Variants in RPL9 observed in about 807,000 individuals in gnomAD.
RPL9 encodes large ribosomal subunit protein uL6.
For missense variants in RPL9, 149 were observed against 236.7 expected, an observed-to-expected ratio of 0.63 and a Z score of 2.43; for synonymous variants, 82 against 77.1, an observed-to-expected ratio of 1.06 and a Z score of -0.33.
At chr4:39,458,742 C>T (rs781637259) in intron 1 of RPL9, 149 bp downstream of exon 1, 2 of 659,192 alleles carry the variant, frequency 3.0e-6, no homozygotes, top group Non-Finnish European at 5.5e-6. Context: ...CAACAGGATT[C>T]GCATCTGGCG....
At chr4:39,455,052 T>C (rs1744032713) in intron 5 of RPL9, 108 bp from the exon 6 acceptor site, 1 of 1,153,452 alleles carries the variant, frequency 8.7e-7, no homozygotes, top group Non-Finnish European at 1.2e-6. Context: ...AAAAGAACCT[T>C]TTCTTAAGAT....
chr4:39,458,509 G>A lies in RPL9; in HGVS notation c.-1-69C>T, dbSNP rs1744225973. 5 of 1,518,948 alleles carry A rather than the reference G, an allele frequency of 3.3e-6. No homozygotes were observed. The African/African-American group carries it at 4.1e-5, about 13-fold the overall frequency. 94.1% of individuals were successfully genotyped at this position (1,518,948 alleles called of 1,614,324 possible). A position where few individuals can be genotyped will look rare whatever the true frequency, so the allele number is the denominator to read the frequency against. ...TTTCCACCAAACTACGCCGCACAGA[G>A]CTCCACTCCTACTGGAGACTGCCAG... is the stretch of plus-strand genomic sequence containing the variant. On this transcript the variant is annotated intron_variant, in intron 1 of 7. Coordinates refer to ENST00000295955, the MANE Select transcript of RPL9 (RefSeq NM_000661.5).
Position 39,456,557 on chromosome 4 carries a change from C to CA in RPL9, c.259-20dup. On this transcript the variant is annotated intron_variant, in intron 4 of 7. Transcript: ENST00000295955. ...GGAAGCCCTATGTTAAATAAATAAG[C>CA]AAGCTATTAGCAATGCTGAGGAATA... 6.2e-7 allele frequency: 1 copy of CA among 1,612,776 alleles called. No homozygotes were observed. The highest frequency in any genetic ancestry group is 8.5e-7 in the Non-Finnish European group (1 of 1,179,272).
At chr4:39,457,367 A>AAAC (rs1553933087) in intron 4 of RPL9, 29 of 412,626 alleles carry the variant, frequency 7.0e-5, no homozygotes, top group East Asian at 5.0e-4. Context: ...AAAAAAAAAA[A>AAAC]CCCAACAACA....
chr4:39,458,784 G>A, intron 1 of RPL9, 107 bp downstream of exon 1: 1 of 682,756 alleles, frequency 1.5e-6, no homozygotes. Flanking sequence ...TGCCGAGCTG[G>A]GGGACAAACA....
chr4:39,457,378 G>T, intron 4 of RPL9: 1 of 399,394 alleles, frequency 2.5e-6, no homozygotes, highest in Non-Finnish European at 4.5e-6. Flanking sequence ...CCCAACAACA[G>T]AAAAAAACAA....
chr4:39,456,163 AACC>A (rs1744077195), intron 5 of RPL9: 3 of 517,786 alleles, frequency 5.8e-6, no homozygotes, highest in Non-Finnish European at 7.1e-6. Flanking sequence ...AGTTAAATAC[AACC>A]ACCACTGCAA....
At chr4:39,457,343 C>T in intron 4 of RPL9, 1 of 355,040 alleles carries the variant, frequency 2.8e-6, no homozygotes. Flanking sequence ...AGCGAGACCC[C>T]AGCCTTGATT....
At chr4:39,458,093 G>A (rs1430592652) in intron 3 of RPL9, 101 bp downstream of exon 3, 9 of 1,123,770 alleles carry the variant, frequency 8.0e-6, no homozygotes, top group Middle Eastern at 1.9e-4. Context: ...TAAAGCTGAA[G>A]CACTGAACCT....
At chr4:39,455,432 G>T (rs1282883078) in intron 5 of RPL9, among the ~76,000 whole-genome samples, 1 of 138,908 alleles carries the variant, frequency 7.2e-6, no homozygotes, top group African/African-American at 2.6e-5. Context: ...TCAAGAGGCC[G>T]AGCCAGGTAT....
chr4:39,458,778 G>A (rs976017247), intron 1 of RPL9, 113 bp downstream of exon 1: 3 of 680,692 alleles, frequency 4.4e-6, no homozygotes, highest in Non-Finnish European at 8.1e-6. Context: ...GGCGCTTGCC[G>A]AGCTGGGGGA....
Position 39,458,249 on chromosome 4 carries a change from C to T in RPL9, c.107G>A (p.Arg36Lys). 1.2e-6 allele frequency: 2 copies of T among 1,614,150 alleles called. No individual in the cohort carries two copies. The highest frequency in any genetic ancestry group is 1.1e-5 in the South Asian group (1 of 91,084). Residue 36 changes from arginine (R) to lysine (K), a missense_variant, in exon 3 of 8, where the codon AGG becomes AAG. Physicochemically the swap from Arg to Lys is conservative, Grantham distance 26. Transcript: ENST00000295955. ...IVKGPRGTLR[R>K]DFNHINVELS... Reference sequence around the variant, plus strand: ...TTCTACATTGATGTGATTGAAGTCCCTCCGCAGGGTTCCTCTGGGGCCCTT... The same window carrying T: ...TTCTACATTGATGTGATTGAAGTCCTTCCGCAGGGTTCCTCTGGGGCCCTT...
chr4:39,457,590 G>T lies in RPL9; in HGVS notation c.254C>A (p.Thr85Lys), dbSNP rs1007232217. The T allele has an allele frequency of 4.3e-6, 7 of 1,612,910 alleles. No homozygotes were observed. Among genetic ancestry groups the T allele is most frequent in the Non-Finnish European group, 5.9e-6 (7 of 1,179,060 alleles). ...SHVQNMIKGV[T>K]LGFRYKMRSV... The stretch of plus-strand genomic sequence containing the variant: ...AAGTCTGATACATCTGCTTACCAGT[G>T]TAACACCCTTGATCATGTTCTGTAC... The change falls in exon 4 of 8, where the codon ACA becomes AAA. Residue 85 changes from threonine (T) to lysine (K), a missense_variant. Thr to Lys is a moderately conservative substitution (Grantham distance 78, BLOSUM62 -1). Coordinates refer to ENST00000295955, the MANE Select transcript of RPL9 (RefSeq NM_000661.5).
intron 3 of RPL9, 69 bp from the exon 4 acceptor site, chr4:39,457,750 G>T: frequency 2.4e-6 from 3 of 1,268,486 alleles, no homozygotes; most frequent in South Asian, 2.4e-5. Flanking sequence ...ACCACTTACC[G>T]AATTACTTTA....
At chr4:39,456,662 C>T (rs1021193882) in intron 4 of RPL9, 124 bp from the exon 5 acceptor site, 1 of 1,047,680 alleles carries the variant, frequency 9.5e-7, no homozygotes, top group African/African-American at 1.6e-5. Flanking sequence ...TTTCTAATAA[C>T]TGTCACCTGA....
rs780387267 is a variant in RPL9, at chr4:39,454,703, G to C, written c.473-54C>G. 12 of 1,517,794 alleles carry C rather than the reference G, an allele frequency of 7.9e-6. No homozygotes were observed. The East Asian group carries it at 2.1e-4, about 26-fold the overall frequency. The allele number at this position is 1,517,794 out of a possible 1,614,324, so 94.0% of individuals were successfully genotyped here. A position where few individuals can be genotyped will look rare whatever the true frequency, so the allele number is the denominator to read the frequency against. On this transcript the variant is annotated intron_variant, in intron 6 of 7. Transcript: ENST00000295955. ...ACATCAGCCTAACCCATCTTAAAAAGAAAGTATTTCATTATGTGCTGTACT... is the reference window on the plus strand; with the variant it reads ...ACATCAGCCTAACCCATCTTAAAAACAAAGTATTTCATTATGTGCTGTACT...
intron 3 of RPL9, 175 bp from the exon 4 acceptor site, chr4:39,457,856 T>TG: frequency 1.6e-6 from 1 of 642,632 alleles, no homozygotes; most frequent in Non-Finnish European, 2.7e-6. Flanking sequence ...TTGTAGAAGT[T>TG]GCAACAAACT....
chr4:39,456,598 A>G (rs1203670818), intron 4 of RPL9, 60 bp from the exon 5 acceptor site: 1 of 1,562,738 alleles, frequency 6.4e-7, no homozygotes, highest in East Asian at 2.3e-5. Context: ...AATAGTTTTA[A>G]AATTTTCTAA....
intron 5 of RPL9, chr4:39,456,154 G>C (rs986782633): frequency 2.0e-6 from 1 of 495,784 alleles, no homozygotes; most frequent in African/African-American, 2.0e-5. Context: ...CATTTGCCAA[G>C]TTAAATACAA....
Sources: allele counts gnomAD v4.1 joint callset (sites outside exome capture counted in the v4.1 genomes callset), GRCh38; gene constraint gnomAD v4.1.1; transcripts MANE v1.5; gene names NCBI Gene and HGNC (gene_info 2026-07-23, HGNC 2026-07-21).